SERINC5: variants seen among roughly 807,000 people sequenced by gnomAD.
SERINC5 encodes the protein serine incorporator 5, also known as chromosome 5 open reading frame 12.
A neutral mutation model predicts 63.1 loss-of-function variants in SERINC5; 41 were observed. The observed-to-expected ratio is 0.65, with a 90% CI of 0.51 to 0.84. The LOEUF (loss-of-function observed/expected upper bound fraction) is 0.84. SERINC5 is among the 40% of genes least tolerant of loss of function. SERINC5 has a pLI of 0.00. For synonymous variants in SERINC5, 222 were observed against 215.2 expected (o/e 1.03, Z -0.28); for missense variants, 523 against 573.0 (o/e 0.91, Z 0.89).
chr5:80,251,281 TAC>T (rs1491050897), intron 1 of SERINC5, among the ~76,000 whole-genome samples: 2 of 53,034 alleles, frequency 3.8e-5, no homozygotes, highest in Non-Finnish European at 6.4e-5. Flanking sequence ...CATCTTTAAA[TAC>T]ATACATGCAT....
chr5:80,193,862 A>G (rs1331247411), intron 2 of SERINC5, among the ~76,000 whole-genome samples: 1 of 152,160 alleles, frequency 6.6e-6, no homozygotes, highest in African/African-American at 2.4e-5. Context: ...TGAAATTTAG[A>G]CCAAAAGATA....
At chr5:80,246,042 G>T (rs914656154) in intron 1 of SERINC5, among the ~76,000 whole-genome samples, 2 of 150,092 alleles carry the variant, frequency 1.3e-5, no homozygotes, top group Non-Finnish European at 3.0e-5. Flanking sequence ...TAGGGATAAG[G>T]CTAGCAAAGC....
chr5:80,224,537 CA>C (rs1407458499), intron 1 of SERINC5, among the ~76,000 whole-genome samples: 5 of 152,030 alleles, frequency 3.3e-5, no homozygotes, highest in African/African-American at 1.2e-4. Flanking sequence ...CCAGTCCTTC[CA>C]AAGAAGGGAG....
intron 2 of SERINC5, among the ~76,000 whole-genome samples, chr5:80,194,276 A>G (rs1749367330): frequency 6.6e-6 from 1 of 152,070 alleles, no homozygotes; most frequent in Non-Finnish European, 1.5e-5. Context: ...AGAGAGTTCT[A>G]CTTGAGGCTT....
chr5:80,156,997 T>TC (rs1746574297), intron 8 of SERINC5: 1 of 137,694 alleles, frequency 7.3e-6, no homozygotes. Flanking sequence ...TTTTTTCTTT[T>TC]TTTTTTTTTT....
chr5:80,218,980 C>A (rs564673102), intron 1 of SERINC5, among the ~76,000 whole-genome samples: 3 of 152,312 alleles, frequency 2.0e-5, no homozygotes, highest in African/African-American at 7.2e-5. Context: ...TACCCTAGAT[C>A]CCATAAAATC....
chr5:80,111,466 G>A (rs558906936), downstream of SERINC5, among the ~76,000 whole-genome samples: 6 of 152,304 alleles, frequency 3.9e-5, no homozygotes, highest in East Asian at 1.9e-4. Flanking sequence ...GGTGATAGAC[G>A]CTGGGCTTTG....
In SERINC5 at chr5:80,141,455, G is replaced by C. The variant is rs544563409; in HGVS notation, c.*2208C>G. 13 of 981,148 alleles carry C rather than the reference G, an allele frequency of 1.3e-5. No individual in the cohort carries two copies. In the South Asian group the frequency reaches 3.3e-4, roughly 25 times the overall value. The allele number at this position is 981,148 out of a possible 1,614,324, so 60.8% of individuals were successfully genotyped here. ...CTTGTCAGCTGGACCTTGACTGCGCGTAAGGTCAGTTTCTCAAATCACACC... is the reference window on the plus strand; with the variant it reads ...CTTGTCAGCTGGACCTTGACTGCGCCTAAGGTCAGTTTCTCAAATCACACC... On this transcript the variant is annotated 3_prime_UTR_variant, in exon 12 of 12. Coordinates refer to ENST00000507668, the MANE Select transcript of SERINC5 (RefSeq NM_001174072.3).
intron 1 of SERINC5, among the ~76,000 whole-genome samples, chr5:80,227,248 A>G (rs1295659315): frequency 6.6e-6 from 1 of 152,206 alleles, no homozygotes; most frequent in Non-Finnish European, 1.5e-5. Context: ...CTGACTGAAA[A>G]ATGAGGAAAA....
chr5:80,185,492 ATTATG>A (rs1748736546), intron 2 of SERINC5, among the ~76,000 whole-genome samples: 3 of 151,806 alleles, frequency 2.0e-5, no homozygotes, highest in Admixed American at 6.6e-5. Flanking sequence ...CTAAAGCACT[ATTATG>A]TTATATTTCA....
intron 6 of SERINC5, among the ~76,000 whole-genome samples, chr5:80,167,345 G>T (rs1393523254): frequency 6.6e-6 from 1 of 152,070 alleles, no homozygotes; most frequent in African/African-American, 2.4e-5. Context: ...TTGGTTTTCT[G>T]TTCCTGTGTT....
chr5:80,233,804 A>AC (rs145254440), intron 1 of SERINC5, among the ~76,000 whole-genome samples: 18,313 of 108,954 alleles, frequency 0.17, 2,008 homozygotes, highest in African/African-American at 0.26. Context: ...TTCAACTTTT[A>AC]CTTTTTTTTT....
chr5:80,242,516 G>GC (rs58035136), intron 1 of SERINC5, among the ~76,000 whole-genome samples: 152,313 of 152,316 alleles, frequency 1, 76,155 homozygotes, highest in Middle Eastern at 1. Flanking sequence ...CATTTGGGAG[G>GC]CGAGGCGGGT....
downstream of SERINC5, among the ~76,000 whole-genome samples, chr5:80,137,094 C>T (rs1383508918): frequency 1.5e-5 from 2 of 135,982 alleles, no homozygotes; most frequent in Admixed American, 1.7e-4. Context: ...GAGCTGACAT[C>T]GTGCCACTGC....
chr5:80,213,488 C>T (rs1322605922), intron 1 of SERINC5, among the ~76,000 whole-genome samples: 1 of 152,174 alleles, frequency 6.6e-6, no homozygotes, highest in Non-Finnish European at 1.5e-5. Flanking sequence ...TTCTTCTCCA[C>T]TTACTGCTGG....
chr5:80,151,010 G>C (rs1169717021), intron 8 of SERINC5, 62 bp from the exon 9 acceptor site: 2 of 1,269,388 alleles, frequency 1.6e-6, no homozygotes, highest in Non-Finnish European at 2.3e-6. Context: ...TGGAATGAAG[G>C]GGAAAGCCGG....
intron 6 of SERINC5, chr5:80,166,884 T>A: frequency 5.2e-6 from 1 of 191,956 alleles, no homozygotes; most frequent in Admixed American, 5.3e-5. Flanking sequence ...TAAACCAGAT[T>A]TCATAGGGGA....
At chr5:80,198,765 A>C in intron 2 of SERINC5, 1 of 933,626 alleles carries the variant, frequency 1.1e-6, no homozygotes, top group South Asian at 4.9e-5. Flanking sequence ...TTGTGGCCAG[A>C]TGGCCAGCTC....
At chr5:80,196,478 G>A (rs926019695) in intron 2 of SERINC5, among the ~76,000 whole-genome samples, 2 of 152,128 alleles carry the variant, frequency 1.3e-5, no homozygotes, top group Non-Finnish European at 2.9e-5. Flanking sequence ...TAATATGGCG[G>A]TTCCTCAAGA....
Sources: allele counts gnomAD v4.1 joint callset (sites outside exome capture counted in the v4.1 genomes callset), GRCh38; gene constraint gnomAD v4.1.1; transcripts MANE v1.5; gene names NCBI Gene and HGNC (gene_info 2026-07-23, HGNC 2026-07-21).